Variants in MGAT4C observed in about 807,000 individuals in gnomAD.
MGAT4C encodes MGAT4 family member C.
In MGAT4C, 19 loss-of-function variants were observed where a neutral mutation model predicts 40.1. The observed-to-expected ratio is 0.47, with a 90% CI of 0.33 to 0.70. MGAT4C has a LOEUF of 0.70. Among genes scored for constraint, MGAT4C ranks in the 30% least tolerant of loss-of-function variants. The pLI is 0.02. For synonymous variants in MGAT4C, 181 were observed against 187.1 expected (o/e 0.97, Z 0.27); for missense variants, 491 against 563.2 (o/e 0.87, Z 1.30).
In MGAT4C at chr12:85,980,222, T is replaced by C. The variant is rs753826277; in HGVS notation, c.504A>G (p.Arg168=). 1 of 1,613,918 alleles carries C rather than the reference T, an allele frequency of 6.2e-7. No homozygotes were observed. The highest frequency in any genetic ancestry group is 8.5e-7 in the Non-Finnish European group (1 of 1,179,896). ...QKFAHHIIAG[R]LMVIHAPEEY... is the part of the protein sequence containing the mutation. The stretch of plus-strand genomic sequence containing the variant: ...CCTCTGGAGCATGTATAACCATTAA[T>C]CTTCCTGCAATAATATGGTGCGCAA... Residue 168 remains arginine (R), a synonymous_variant, in exon 5 of 5, where the codon AGA becomes AGG. Coordinates refer to ENST00000611864, the MANE Select transcript of MGAT4C (RefSeq NM_001351288.2).
At position 85,980,434 on chromosome 12, in the gene MGAT4C, C is replaced by CA. The variant is rs1565808587; in HGVS notation, c.296-5dup. The CA allele has an allele frequency of 1.4e-5, 22 of 1,557,738 alleles. No homozygotes were observed. Among genetic ancestry groups the CA allele is most frequent in the Non-Finnish European group, 1.9e-5 (22 of 1,155,886 alleles). ...GAAAGTCCAATTGTAAGATACCCTG[C>CA]AAAAAAGAATTCAGAAGCAATACAA... On this transcript the variant is annotated splice_region_variant and splice_polypyrimidine_tract_variant and intron_variant, in intron 4 of 4. Coordinates refer to ENST00000611864, the MANE Select transcript of MGAT4C (RefSeq NM_001351288.2).
chr12:86,175,632 C>G (rs1000125720), intron 1 of MGAT4C, among the ~76,000 whole-genome samples: 1 of 151,924 alleles, frequency 6.6e-6, no homozygotes, highest in African/African-American at 2.4e-5. Flanking sequence ...TGGTAGTTCT[C>G]AAACTTTAAT....
intron 2 of MGAT4C, among the ~76,000 whole-genome samples, chr12:86,699,916 A>G (rs539730395): frequency 5.3e-5 from 8 of 151,994 alleles, no homozygotes; most frequent in African/African-American, 1.9e-4. Flanking sequence ...GAGGTGGAGG[A>G]GGTGGAATGG....
intron 2 of MGAT4C, among the ~76,000 whole-genome samples, chr12:86,540,001 G>A (rs1013451051): frequency 6.6e-6 from 1 of 152,026 alleles, no homozygotes; most frequent in Non-Finnish European, 1.5e-5. Context: ...AGTTTCTTTT[G>A]CTGTGCAGAA....
intron 2 of MGAT4C, among the ~76,000 whole-genome samples, chr12:86,662,432 A>T (rs1964002284): frequency 6.6e-6 from 1 of 152,226 alleles, no homozygotes; most frequent in East Asian, 1.9e-4. Context: ...ACAGAAGTTT[A>T]GGCAATGACC....
chr12:86,101,632 C>A (rs1396933695), intron 1 of MGAT4C, among the ~76,000 whole-genome samples: 3 of 151,856 alleles, frequency 2.0e-5, no homozygotes, highest in African/African-American at 4.8e-5. Context: ...GATTAAATCA[C>A]AGTGGGTACT....
intron 1 of MGAT4C, among the ~76,000 whole-genome samples, chr12:86,162,533 G>T (rs1194037863): frequency 6.6e-6 from 1 of 151,978 alleles, no homozygotes; most frequent in Non-Finnish European, 1.5e-5. Flanking sequence ...TACCTATTGG[G>T]TACTATGCTC....
At chr12:86,743,829 A>C (rs1565960449) in intron 1 of MGAT4C, among the ~76,000 whole-genome samples, 1 of 151,550 alleles carries the variant, frequency 6.6e-6, no homozygotes, top group African/African-American at 2.4e-5. Flanking sequence ...ATTTACTTTT[A>C]TTTTTCACAG....
intron 2 of MGAT4C, among the ~76,000 whole-genome samples, chr12:86,472,404 T>C (rs988494319): frequency 2.0e-5 from 3 of 152,194 alleles, no homozygotes; most frequent in Admixed American, 6.5e-5. Context: ...AGATCCTTTT[T>C]TGCCTTACCT....
chr12:86,171,709 A>T (rs1486636584), intron 1 of MGAT4C, among the ~76,000 whole-genome samples: 1 of 152,232 alleles, frequency 6.6e-6, no homozygotes, highest in East Asian at 1.9e-4. Context: ...TTACCAAGTC[A>T]TAATTACATT....
rs35262458 is a variant in MGAT4C, at chr12:86,602,883, CGTGTGTGT to C, written c.-229+124318_-229+124325del. Among the ~76,000 whole-genome samples the C allele has an allele frequency of 9.0e-3, 1,333 of 147,678 alleles. 10 individuals are homozygous for C. Among genetic ancestry groups the C allele is most frequent in the African/African-American group, 0.013 (511 of 40,136 alleles). On this transcript the variant is annotated intron_variant, in intron 2 of 7. Transcript: ENST00000548651. Reference sequence around the variant, plus strand: ...AGTATCTCAAACACCTGCCCATCTGCGTGTGTGTGTGTGTGTGTGTGTGTGTGTGTAAA... The same window carrying C: ...AGTATCTCAAACACCTGCCCATCTGCGTGTGTGTGTGTGTGTGTGTGTAAA...
intron 3 of MGAT4C, among the ~76,000 whole-genome samples, chr12:86,427,472 T>C (rs1956951659): frequency 1.3e-5 from 2 of 152,204 alleles, no homozygotes; most frequent in Admixed American, 6.5e-5. Context: ...TAATTTTGTT[T>C]AAATTATAGA....
chr12:86,071,272 C>T (rs561759072), intron 1 of MGAT4C, among the ~76,000 whole-genome samples: 185 of 152,046 alleles, frequency 1.2e-3, no homozygotes, highest in African/African-American at 4.2e-3. Flanking sequence ...TAAAAAGGGT[C>T]ATCCTGCTTG....
intron 1 of MGAT4C, among the ~76,000 whole-genome samples, chr12:86,055,356 G>T (rs781704505): frequency 2.0e-4 from 31 of 152,012 alleles, no homozygotes; most frequent in Non-Finnish European, 3.8e-4. Flanking sequence ...TAAAAATAAT[G>T]CCAAATGTGA....
At chr12:85,987,622 T>C in intron 3 of MGAT4C, among the ~76,000 whole-genome samples, 1 of 152,234 alleles carries the variant, frequency 6.6e-6, no homozygotes, top group South Asian at 2.1e-4. Flanking sequence ...TAGATAGCAC[T>C]GTAAACATTT....
chr12:86,404,758 G>A (rs1180905681), intron 3 of MGAT4C, among the ~76,000 whole-genome samples: 1 of 152,082 alleles, frequency 6.6e-6, no homozygotes, highest in Non-Finnish European at 1.5e-5. Context: ...TTATTGTTAG[G>A]AAGATTACCT....
chr12:86,502,767 ATG>A (rs1215775073), intron 2 of MGAT4C, among the ~76,000 whole-genome samples: 89 of 37,678 alleles, frequency 2.4e-3, no homozygotes, highest in African/African-American at 3.7e-3. Flanking sequence ...GCTCATATAT[ATG>A]TATACACGAG....
chr12:86,646,546 A>G (rs1279906915), intron 2 of MGAT4C, among the ~76,000 whole-genome samples: 1 of 151,930 alleles, frequency 6.6e-6, no homozygotes, highest in Non-Finnish European at 1.5e-5. Flanking sequence ...AGTTGATCAT[A>G]TTATTTCAAT....
intron 1 of MGAT4C, among the ~76,000 whole-genome samples, chr12:86,729,755 A>C (rs1320555474): frequency 2.6e-5 from 4 of 152,088 alleles, no homozygotes; most frequent in African/African-American, 4.8e-5. Flanking sequence ...GTTGTACAAC[A>C]CTTCATCTAA....
Sources: allele counts gnomAD v4.1 joint callset (sites outside exome capture counted in the v4.1 genomes callset), GRCh38; gene constraint gnomAD v4.1.1; transcripts MANE v1.5; gene names NCBI Gene and HGNC (gene_info 2026-07-23, HGNC 2026-07-21).